The following KANSL1 variants were observed in gnomAD, a reference collection of about 807,000 sequenced individuals.
KANSL1 encodes KAT8 regulatory NSL complex subunit 1.
KANSL1 carries 22 observed loss-of-function variants against 103.6 expected under a neutral mutation model. The observed-to-expected ratio is 0.21, with a 90% CI of 0.15 to 0.30. KANSL1 has a LOEUF of 0.30. KANSL1 is among the 10% of genes least tolerant of loss of function. The pLI is 1.00. For missense variants in KANSL1, 1,337 were observed against 1,399.8 expected, an observed-to-expected ratio of 0.96 and a Z score of 0.72; for synonymous variants, 600 against 527.6, an observed-to-expected ratio of 1.14 and a Z score of -1.88.
At chr17:46,124,933 A>T (rs1015266295) in intron 2 of KANSL1, among the ~76,000 whole-genome samples, 1 of 151,496 alleles carries the variant, frequency 6.6e-6, no homozygotes, top group African/African-American at 2.4e-5. Context: ...AAGTAACTGC[A>T]GATGAGGAAG....
chr17:46,185,768 T>C (rs909660578), intron 1 of KANSL1, among the ~76,000 whole-genome samples: 3 of 150,500 alleles, frequency 2.0e-5, no homozygotes, highest in Non-Finnish European at 4.4e-5. Flanking sequence ...ATGCCTGTAA[T>C]ACCAGCTACT....
intron 3 of KANSL1, among the ~76,000 whole-genome samples, chr17:46,084,729 T>C (rs2146850545): frequency 7.3e-6 from 1 of 137,898 alleles, no homozygotes; most frequent in East Asian, 2.0e-4. Context: ...AAAAAAGAAT[T>C]GGAGTCTCCT....
At chr17:46,062,461 C>T (rs939735886) in intron 6 of KANSL1, among the ~76,000 whole-genome samples, 1 of 145,612 alleles carries the variant, frequency 6.9e-6, no homozygotes, top group African/African-American at 2.5e-5. Flanking sequence ...TTGGTTCAAG[C>T]GATTCTCCTG....
chr17:46,107,395 C>A (rs182024552), intron 2 of KANSL1, among the ~76,000 whole-genome samples: 1 of 152,360 alleles, frequency 6.6e-6, no homozygotes, highest in East Asian at 1.9e-4. Flanking sequence ...CTCCACTGTA[C>A]TAAATCCAAT....
chr17:46,066,533 C>T lies in KANSL1; in HGVS notation c.1848+4G>A, dbSNP rs766458949. ...GACAATGACCAACTCTCATCTGTAC[C>T]GACCTTCTTGGAAAGAGGAACGATG... On this transcript the variant is annotated splice_donor_region_variant and intron_variant, in intron 6 of 14. Coordinates refer to ENST00000432791, the MANE Select transcript of KANSL1 (RefSeq NM_015443.4). 40 of 1,608,892 alleles carry T rather than the reference C, an allele frequency of 2.5e-5. No individual in the cohort carries two copies. The highest frequency in any genetic ancestry group is 3.1e-5 in the Non-Finnish European group (37 of 1,177,054).
chr17:46,081,400 A>G (rs940107677), intron 4 of KANSL1, among the ~76,000 whole-genome samples: 21 of 152,070 alleles, frequency 1.4e-4, no homozygotes, highest in African/African-American at 5.1e-4. Context: ...AGATCTGTAA[A>G]CAGCATGCAA....
upstream of KANSL1, among the ~76,000 whole-genome samples, chr17:46,198,422 TAAAAA>T (rs58312564): frequency 1.1e-3 from 109 of 96,094 alleles, 1 homozygote; most frequent in African/African-American, 1.9e-3. Flanking sequence ...CTACTTTAAT[TAAAAA>T]AAAAAAAAAA....
chr17:46,113,560 C>T (rs1025598812), intron 2 of KANSL1, among the ~76,000 whole-genome samples: 11 of 152,074 alleles, frequency 7.2e-5, no homozygotes, highest in African/African-American at 2.4e-4. Flanking sequence ...CTGTTTATCG[C>T]ACGGTAGATC....
At chr17:46,095,275 A>G (rs1385371368) in intron 2 of KANSL1, among the ~76,000 whole-genome samples, 4 of 152,228 alleles carry the variant, frequency 2.6e-5, no homozygotes, top group Admixed American at 6.5e-5. Context: ...CTATAAATTC[A>G]AAGAAATTCC....
At chr17:46,076,988 T>C (rs2078798751) in intron 4 of KANSL1, among the ~76,000 whole-genome samples, 1 of 152,206 alleles carries the variant, frequency 6.6e-6, no homozygotes, top group South Asian at 2.1e-4. Context: ...TTGCCCTACC[T>C]TTTCCAATTT....
chr17:46,091,143 G>A lies in KANSL1; in HGVS notation c.1431+3417C>T, dbSNP rs149612908. Among the ~76,000 whole-genome samples, 40 of 152,268 alleles carry A rather than the reference G, an allele frequency of 2.6e-4. No homozygotes were observed. The East Asian group carries it at 6.9e-3, about 26-fold the overall frequency. ...TGTGAAGGTGGAAGACAGTAATACC[G>A]ACAAACCTGACCCCATGTGGGCCTA... On this transcript the variant is annotated intron_variant, in intron 3 of 14. Coordinates refer to ENST00000432791, the MANE Select transcript of KANSL1 (RefSeq NM_015443.4).
chr17:46,097,344 G>A (rs2042130034), intron 2 of KANSL1, among the ~76,000 whole-genome samples: 1 of 152,180 alleles, frequency 6.6e-6, no homozygotes. Flanking sequence ...TTTACTGTAT[G>A]TATCAACATG....
chr17:46,219,440 G>A (rs1454361262), intron 1 of KANSL1, among the ~76,000 whole-genome samples: 1 of 152,016 alleles, frequency 6.6e-6, no homozygotes, highest in Non-Finnish European at 1.5e-5. Context: ...ACAGTTCACT[G>A]CAACCTCCAC....
rs561916424 is a variant in KANSL1 at position 46,039,609 on chromosome 17, C to T, written c.2203+93G>A. 14 of 1,408,144 alleles carry T rather than the reference C, an allele frequency of 9.9e-6. No homozygotes were observed. In the South Asian group the frequency reaches 1.8e-4, roughly 18 times the overall value. 87.2% of individuals were successfully genotyped at this position (1,408,144 alleles called of 1,614,324 possible). A position where few individuals can be genotyped will look rare whatever the true frequency, so the allele number is the denominator to read the frequency against. ...TTTATCGGTCAACTGCCTCTCCCAA[C>T]CCCAACATGCATGCAAACTACAAAT... On this transcript the variant is annotated intron_variant, in intron 8 of 14. Coordinates refer to ENST00000432791, the MANE Select transcript of KANSL1 (RefSeq NM_015443.4).
At chr17:46,120,496 T>C (rs1234936264) in intron 2 of KANSL1, among the ~76,000 whole-genome samples, 1 of 152,330 alleles carries the variant, frequency 6.6e-6, no homozygotes, top group Admixed American at 6.5e-5. Flanking sequence ...TATGAAATTA[T>C]GTCAGAAACA....
intron 2 of KANSL1, among the ~76,000 whole-genome samples, chr17:46,102,017 A>T (rs2042343553): frequency 2.0e-5 from 3 of 152,210 alleles, no homozygotes; most frequent in Admixed American, 2.0e-4. Context: ...TAGACATTGC[A>T]TTATCAGTGA....
At position 46,084,697 on chromosome 17, in the gene KANSL1, T is replaced by TAA. The variant is rs67108405; in HGVS notation, c.1432-2157_1432-2156dup. 9.2e-3 allele frequency among the ~76,000 whole-genome samples: 682 copies of TAA among 74,510 alleles called. 19 individuals carry two copies. Among genetic ancestry groups the TAA allele is most frequent in the African/African-American group, 0.035 (622 of 17,716 alleles). 48.9% of individuals were successfully genotyped at this position (74,510 alleles called of 152,430 possible). On this transcript the variant is annotated intron_variant, in intron 3 of 14. Transcript: ENST00000432791. ...AACTCCACCTCAAAATTTTAAAAATTAAAAAAAAAAAAAAAAAAAAAAAAA... is the reference window on the plus strand; with the variant it reads ...AACTCCACCTCAAAATTTTAAAAATTAAAAAAAAAAAAAAAAAAAAAAAAAAA...
intron 2 of KANSL1, among the ~76,000 whole-genome samples, chr17:46,144,675 A>T (rs1453490737): frequency 7.7e-6 from 1 of 129,460 alleles, no homozygotes; most frequent in East Asian, 2.0e-4. Flanking sequence ...GGGATACTAC[A>T]TAATAAAAAA....
chr17:46,101,291 C>T (rs2042302626), intron 2 of KANSL1, among the ~76,000 whole-genome samples: 1 of 152,164 alleles, frequency 6.6e-6, no homozygotes, highest in South Asian at 2.1e-4. Context: ...CAGTGTGAAA[C>T]AGAGGGAAGA....
Sources: gnomAD v4.1 joint callset for allele counts (sites outside exome capture counted in the v4.1 genomes callset) on GRCh38, gnomAD v4.1.1 for gene constraint, MANE v1.5 for transcripts, NCBI Gene and HGNC (gene_info 2026-07-23, HGNC 2026-07-21) for gene names.